The following RPS6KC1 variants were observed in gnomAD, a reference collection of about 807,000 sequenced individuals.
RPS6KC1 encodes the protein inactive ribosomal protein S6 kinase delta-1.
In RPS6KC1, 54 loss-of-function variants were observed where a neutral mutation model predicts 103.8. That is an observed-to-expected ratio of 0.52 (90% CI 0.42 to 0.65). RPS6KC1 has a LOEUF of 0.65. Ranked by LOEUF, RPS6KC1 falls within the 30% of genes least tolerant of loss-of-function variation. RPS6KC1 has a pLI of 0.00. For synonymous variants in RPS6KC1, 439 were observed against 438.7 expected (o/e 1.00, Z -0.01); for missense variants, 1,151 against 1,253.8 (o/e 0.92, Z 1.24).
chr1:213,240,067 T>A (rs1464250935), intron 10 of RPS6KC1, among the ~76,000 whole-genome samples: 1 of 152,200 alleles, frequency 6.6e-6, no homozygotes, highest in Non-Finnish European at 1.5e-5. Flanking sequence ...TTCCGTAGCT[T>A]GCTTTATTAA....
the RPS6KC1 span, among the ~76,000 whole-genome samples, chr1:213,312,109 A>T: frequency 2.6e-5 from 4 of 151,930 alleles, no homozygotes; most frequent in African/African-American, 7.3e-5. Context: ...TGTTGGCAGG[A>T]TGGTGTTGAA....
chr1:213,298,740 T>C, the RPS6KC1 span, among the ~76,000 whole-genome samples: 57 of 152,322 alleles, frequency 3.7e-4, no homozygotes, highest in African/African-American at 1.3e-3. Flanking sequence ...ACCAATTTTA[T>C]AGCATCTTAT....
chr1:213,710,548 C>A, the RPS6KC1 span, among the ~76,000 whole-genome samples: 1 of 152,092 alleles, frequency 6.6e-6, no homozygotes, highest in Non-Finnish European at 1.5e-5. Context: ...TGAATTTGAT[C>A]CTGTCATTAT....
At chr1:213,199,031 C>T (rs1197932802) in intron 8 of RPS6KC1, among the ~76,000 whole-genome samples, 1 of 152,158 alleles carries the variant, frequency 6.6e-6, no homozygotes, top group Non-Finnish European at 1.5e-5. Context: ...AAGCCCAGGA[C>T]CAGATGGATT....
the RPS6KC1 span, among the ~76,000 whole-genome samples, chr1:213,455,676 A>G: frequency 7.2e-5 from 11 of 152,204 alleles, no homozygotes; most frequent in African/African-American, 2.4e-4. Flanking sequence ...TGAAGGGCCC[A>G]TGACAGAACC....
the RPS6KC1 span, among the ~76,000 whole-genome samples, chr1:213,726,121 G>A: frequency 6.6e-6 from 1 of 151,968 alleles, no homozygotes; most frequent in African/African-American, 2.4e-5. Flanking sequence ...GTCTTGTTCT[G>A]TCACCCAGGC....
chr1:213,100,247 ACTCATATATC>A (rs2081895662), intron 3 of RPS6KC1, among the ~76,000 whole-genome samples: 1 of 150,600 alleles, frequency 6.6e-6, no homozygotes, highest in Admixed American at 6.6e-5. Context: ...CTTATTAGCC[ACTCATATATC>A]CTTTTTTTTT....
chr1:213,694,301 C>T, the RPS6KC1 span, among the ~76,000 whole-genome samples: 1 of 152,220 alleles, frequency 6.6e-6, no homozygotes. Flanking sequence ...AGACAGAAAG[C>T]ACATTCCTTA....
At chr1:213,598,478 C>T in the RPS6KC1 span, among the ~76,000 whole-genome samples, 2 of 152,086 alleles carry the variant, frequency 1.3e-5, no homozygotes, top group Non-Finnish European at 2.9e-5. Context: ...CCTCAGTTTT[C>T]CTGTCTATAC....
chr1:213,849,550 A>T, the RPS6KC1 span, among the ~76,000 whole-genome samples: 1 of 152,174 alleles, frequency 6.6e-6, no homozygotes, highest in African/African-American at 2.4e-5. Flanking sequence ...TGGTGGTACA[A>T]TTTCCCTCAT....
intron 8 of RPS6KC1, among the ~76,000 whole-genome samples, chr1:213,226,819 T>C (rs923987763): frequency 1.3e-5 from 2 of 152,230 alleles, no homozygotes; most frequent in Non-Finnish European, 2.9e-5. Context: ...CCTGAACCAC[T>C]ATGTTTTCTC....
the RPS6KC1 span, among the ~76,000 whole-genome samples, chr1:213,698,953 G>T: frequency 6.6e-6 from 1 of 151,172 alleles, no homozygotes; most frequent in Non-Finnish European, 1.5e-5. Flanking sequence ...ATATTTTGAG[G>T]GTACGTGAGA....
At chr1:213,747,567 A>G in the RPS6KC1 span, among the ~76,000 whole-genome samples, 1 of 152,214 alleles carries the variant, frequency 6.6e-6, no homozygotes, top group Non-Finnish European at 1.5e-5. Flanking sequence ...AAGGTGAGAA[A>G]AATATAGCTA....
the RPS6KC1 span, among the ~76,000 whole-genome samples, chr1:213,692,388 C>CAAAA: frequency 1.6e-4 from 22 of 134,772 alleles, no homozygotes; most frequent in East Asian, 6.4e-4. Flanking sequence ...GACTCTGTCT[C>CAAAA]AAAAAAAAAA....
At chr1:213,276,208 T>C (rs2095112161), downstream of RPS6KC1, among the ~76,000 whole-genome samples, 1 of 152,230 alleles carries the variant, frequency 6.6e-6, no homozygotes, top group African/African-American at 2.4e-5. Context: ...GCAAGAGGTC[T>C]GACTAGAGCC....
chr1:213,589,394 C>G, the RPS6KC1 span, among the ~76,000 whole-genome samples: 1 of 152,106 alleles, frequency 6.6e-6, no homozygotes, highest in Non-Finnish European at 1.5e-5. Context: ...AATCCCAGCG[C>G]TTTGGGAGGC....
At chr1:213,099,449 C>G (rs1394741753) in intron 3 of RPS6KC1, among the ~76,000 whole-genome samples, 2 of 152,182 alleles carry the variant, frequency 1.3e-5, no homozygotes, top group Non-Finnish European at 2.9e-5. Flanking sequence ...ATACCAGTGT[C>G]TTTCACCCAT....
intron 6 of RPS6KC1, among the ~76,000 whole-genome samples, chr1:213,142,997 T>G (rs961455146): frequency 6.6e-6 from 1 of 152,080 alleles, no homozygotes; most frequent in African/African-American, 2.4e-5. Flanking sequence ...TTTATTTTTC[T>G]TAGATTAGGT....
chr1:213,564,240 C>T, the RPS6KC1 span, among the ~76,000 whole-genome samples: 1 of 152,106 alleles, frequency 6.6e-6, no homozygotes, highest in East Asian at 1.9e-4. Context: ...GGTACACAGG[C>T]ATATTTTTTC....
Sources: allele counts gnomAD v4.1 joint callset (sites outside exome capture counted in the v4.1 genomes callset), GRCh38; gene constraint gnomAD v4.1.1; transcripts MANE v1.5; gene names NCBI Gene and HGNC (gene_info 2026-07-23, HGNC 2026-07-21).